The following RNF214 variants were observed in gnomAD, a reference collection of about 807,000 sequenced individuals.
The protein encoded by RNF214 is ring finger protein 214.
A neutral mutation model predicts 75.9 loss-of-function variants in RNF214; 25 were observed. The observed-to-expected ratio is 0.33, with a 90% CI of 0.24 to 0.46. The LOEUF is 0.46. Among genes scored for constraint, RNF214 ranks in the 20% least tolerant of loss-of-function variants. The pLI, the probability that RNF214 is intolerant of heterozygous loss-of-function variation, is 1.00. For missense variants in RNF214, 725 were observed against 857.5 expected (o/e 0.85, Z 1.93); for synonymous variants, 314 against 308.8 (o/e 1.02, Z -0.18).
At chr11:117,242,432 T>C (rs1402420380) in intron 4 of RNF214, among the ~76,000 whole-genome samples, 1 of 152,146 alleles carries the variant, frequency 6.6e-6, no homozygotes, top group Non-Finnish European at 1.5e-5. Flanking sequence ...TGGGACTTAA[T>C]TGTAACAGTC....
chr11:117,282,200 C>T lies in RNF214; in HGVS notation c.1642C>T (p.Arg548Trp), dbSNP rs746832862. The change falls in exon 11 of 15, where the codon CGG becomes TGG. Residue 548 changes from arginine (R) to tryptophan (W), a missense_variant. Coordinates refer to ENST00000300650, the MANE Select transcript of RNF214 (RefSeq NM_207343.4). ...GGVKASAETPRPQPVDKLEKI... is the reference protein window; with the variant it reads ...GGVKASAETPWPQPVDKLEKI... ...TGTTAAGGCTTCTGCTGAAACTCCC[C>T]GGCCCCAACCAGTAGACAAACTGGA... is the stretch of plus-strand genomic sequence containing the variant. 12 of 1,612,786 alleles carry T rather than the reference C, an allele frequency of 7.4e-6. No homozygotes were observed. Among genetic ancestry groups the T allele is most frequent in the East Asian group, 4.5e-5 (2 of 44,884 alleles).
chr11:117,242,629 T>C (rs1307863674), intron 4 of RNF214, among the ~76,000 whole-genome samples: 1 of 151,996 alleles, frequency 6.6e-6, no homozygotes, highest in Non-Finnish European at 1.5e-5. Context: ...AAGGCAGGGG[T>C]ATCACCTGAA....
chr11:117,250,610 T>TTATTA (rs10671699), intron 6 of RNF214, among the ~76,000 whole-genome samples: 20,262 of 133,548 alleles, frequency 0.15, 1,456 homozygotes, highest in African/African-American at 0.19. Flanking sequence ...TATTTATTTA[T>TTATTA]TTTTTTTTTA....
chr11:117,263,850 TG>T, intron 6 of RNF214: 1 of 277,926 alleles, frequency 3.6e-6, no homozygotes, highest in Admixed American at 4.4e-5. Context: ...GGTCCCCCTG[TG>T]CTCAGTTCTA....
rs556590205 is a variant in RNF214 at position 117,239,415 on chromosome 11, TTGACCTTGCAGGAA to T, written c.618+305_618+318del. The stretch of plus-strand genomic sequence containing the variant: ...ACATTAGCATTCATATTTATCATCT[TTGACCTTGCAGGAA>T]GAATCCTTGTTAATTCTCTGAGTCA... On this transcript the variant is annotated intron_variant, in intron 3 of 14. Coordinates refer to ENST00000300650, the MANE Select transcript of RNF214 (RefSeq NM_207343.4). 726 of 468,214 alleles carry T rather than the reference TTGACCTTGCAGGAA, an allele frequency of 1.6e-3. 1 individual carries two copies. The highest frequency in any genetic ancestry group is 0.013 in the African/African-American group (650 of 51,284). The allele number at this position is 468,214 out of a possible 1,614,324, so 29.0% of individuals were successfully genotyped here.
At position 117,259,436 on chromosome 11, in the gene RNF214, A is replaced by G. The variant is rs1216026615; in HGVS notation, c.959+12488A>G. The stretch of plus-strand genomic sequence containing the variant: ...TTTTATTTCTCTTAGGTAGATTCCT[A>G]GCATAATCTGCTGGGTTGTAGGGTA... On this transcript the variant is annotated intron_variant, in intron 6 of 14. Coordinates refer to ENST00000300650, the MANE Select transcript of RNF214 (RefSeq NM_207343.4). 2.6e-5 allele frequency among the ~76,000 whole-genome samples: 4 copies of G among 152,210 alleles called. No individual in the cohort carries two copies. In the East Asian group the frequency reaches 7.7e-4, roughly 29 times the overall value.
At chr11:117,235,855 C>T (rs1412148087) in intron 2 of RNF214, among the ~76,000 whole-genome samples, 1 of 152,100 alleles carries the variant, frequency 6.6e-6, no homozygotes, top group Non-Finnish European at 1.5e-5. Context: ...TTAGCATGTC[C>T]ATCATCACAA....
chr11:117,248,317 C>T (rs1253900154), intron 6 of RNF214, among the ~76,000 whole-genome samples: 2 of 152,210 alleles, frequency 1.3e-5, no homozygotes, highest in East Asian at 3.8e-4. Flanking sequence ...ACCTCATGAT[C>T]CGCCTGCCTC....
rs554136238 is a variant in RNF214 at position 117,285,124 on chromosome 11, T to C, written c.2085T>C (p.Thr695=). 1 of 1,612,646 alleles carries C rather than the reference T, an allele frequency of 6.2e-7. No homozygotes were observed. The highest frequency in any genetic ancestry group is 2.2e-5 in the East Asian group (1 of 44,866). ...KFWAQTNTND[T]CPFCPTLK is the part of the protein sequence containing the mutation. ...GGGCCCAGACCAACACAAATGACAC[T>C]TGTCCCTTTTGTCCAACTCTTAAAT... Residue 695 remains threonine (T), a synonymous_variant, in exon 15 of 15, where the codon ACT becomes ACC. Transcript: ENST00000300650.
At chr11:117,254,665 C>G (rs1220277621) in intron 6 of RNF214, among the ~76,000 whole-genome samples, 2 of 151,932 alleles carry the variant, frequency 1.3e-5, no homozygotes, top group Non-Finnish European at 2.9e-5. Context: ...GCTCTGTCAC[C>G]CAGGCTGGAG....
intron 4 of RNF214, among the ~76,000 whole-genome samples, chr11:117,242,844 ACT>A (rs966450761): frequency 1.3e-5 from 2 of 152,078 alleles, no homozygotes; most frequent in African/African-American, 2.4e-5. Context: ...ACAGAGTGAG[ACT>A]CTGTCTCAGA....
intron 6 of RNF214, among the ~76,000 whole-genome samples, chr11:117,249,584 A>G (rs1015933494): frequency 6.6e-6 from 1 of 151,684 alleles, no homozygotes; most frequent in Non-Finnish European, 1.5e-5. Flanking sequence ...TATATTATTC[A>G]CCTTGGCCTG....
intron 2 of RNF214, among the ~76,000 whole-genome samples, chr11:117,235,578 A>G (rs1292818805): frequency 1.4e-5 from 2 of 141,154 alleles, no homozygotes; most frequent in Non-Finnish European, 3.0e-5. Context: ...AGCTCACTGC[A>G]ACCTCCGTCT....
chr11:117,283,531 T>C (rs1029280737), intron 14 of RNF214, among the ~76,000 whole-genome samples: 1 of 152,096 alleles, frequency 6.6e-6, no homozygotes, highest in Non-Finnish European at 1.5e-5. Flanking sequence ...TGGCTAATTT[T>C]TGTATTTTTA....
intron 6 of RNF214, among the ~76,000 whole-genome samples, chr11:117,256,049 C>G (rs1318019281): frequency 9.9e-5 from 15 of 152,150 alleles, no homozygotes; most frequent in Admixed American, 9.8e-4. Flanking sequence ...TTATACCTAA[C>G]TACTATATGC....
At chr11:117,264,271 C>T (rs1256875915) in intron 6 of RNF214, among the ~76,000 whole-genome samples, 3 of 151,782 alleles carry the variant, frequency 2.0e-5, no homozygotes, top group Admixed American at 6.6e-5. Context: ...TGCAGTGAGC[C>T]GAGATCGCAC....
intron 6 of RNF214, among the ~76,000 whole-genome samples, chr11:117,272,310 A>C (rs1022631256): frequency 2.0e-5 from 3 of 152,168 alleles, no homozygotes; most frequent in African/African-American, 7.2e-5. Flanking sequence ...CCGTGTGTTA[A>C]TATGGTTTAA....
At chr11:117,242,349 A>T (rs535187108) in intron 4 of RNF214, among the ~76,000 whole-genome samples, 1 of 152,228 alleles carries the variant, frequency 6.6e-6, no homozygotes, top group Non-Finnish European at 1.5e-5. Context: ...ATTGAAGGGC[A>T]TACGGAAAAA....
At chr11:117,258,814 A>G (rs1456466737) in intron 6 of RNF214, among the ~76,000 whole-genome samples, 1 of 152,148 alleles carries the variant, frequency 6.6e-6, no homozygotes, top group Non-Finnish European at 1.5e-5. Context: ...GTTTTTTACC[A>G]TAGTTTAGTT....
Sources: gnomAD v4.1 joint callset for allele counts (sites outside exome capture counted in the v4.1 genomes callset) on GRCh38, gnomAD v4.1.1 for gene constraint, MANE v1.5 for transcripts, NCBI Gene and HGNC (gene_info 2026-07-23, HGNC 2026-07-21) for gene names.